The following MACROD2 variants were observed in gnomAD, a reference collection of about 807,000 sequenced individuals.
MACROD2 encodes mono-ADP ribosylhydrolase 2, also known as ADP-ribose glycohydrolase MACROD2.
Under a neutral mutation model 70.4 loss-of-function variants are expected in MACROD2, and 36 were observed. That is an observed-to-expected ratio of 0.51 (90% CI 0.39 to 0.68). The LOEUF is 0.68. MACROD2 is among the 30% of genes least tolerant of loss of function. The probability of loss-of-function intolerance (pLI) is 0.00; values close to 1 mark genes in which losing one functional copy is unlikely to be tolerated. For synonymous variants in MACROD2, 172 were observed against 178.8 expected (o/e 0.96, Z 0.30); for missense variants, 496 against 538.4 (o/e 0.92, Z 0.78).
chr20:15,877,104 G>A (rs1406382176), intron 9 of MACROD2, among the ~76,000 whole-genome samples: 1 of 152,038 alleles, frequency 6.6e-6, no homozygotes, highest in Non-Finnish European at 1.5e-5. Context: ...TTTGGACTGG[G>A]CACTCTTTAT....
intron 3 of MACROD2, among the ~76,000 whole-genome samples, chr20:14,468,707 T>C (rs35760794): frequency 0.15 from 22,728 of 152,024 alleles, 2,418 homozygotes; most frequent in Non-Finnish European, 0.22. Context: ...AGTTGGGGTT[T>C]TATCATGTTG....
intron 7 of MACROD2, among the ~76,000 whole-genome samples, chr20:15,488,956 A>G (rs1334556482): frequency 6.6e-6 from 1 of 152,206 alleles, no homozygotes; most frequent in Non-Finnish European, 1.5e-5. Context: ...TAGGCAAAAG[A>G]TGATTTCAAA....
rs146440615 is a variant in MACROD2, at chr20:14,910,255, C to T, written c.418+225296C>T. On this transcript the variant is annotated intron_variant, in intron 5 of 17. Transcript: ENST00000684519. ...AAAAGAATGTTGGCTATGCACTTCG[C>T]GCTTACACATTAATATAGAGCCCAG... Among the ~76,000 whole-genome samples the T allele has an allele frequency of 1.4e-3, 207 of 152,226 alleles. 1 individual carries two copies. The highest frequency in any genetic ancestry group is 4.2e-3 in the African/African-American group (176 of 41,530).
chr20:15,293,843 C>T (rs35777165), intron 6 of MACROD2, among the ~76,000 whole-genome samples: 19,148 of 152,096 alleles, frequency 0.13, 1,448 homozygotes, highest in South Asian at 0.19. Context: ...TTTGGCCAGG[C>T]GCAGTGGCTC....
At chr20:15,930,327 C>T (rs1293536651) in intron 10 of MACROD2, among the ~76,000 whole-genome samples, 2 of 152,152 alleles carry the variant, frequency 1.3e-5, no homozygotes, top group Non-Finnish European at 2.9e-5. Flanking sequence ...TGGAAGCCCC[C>T]TATTTCACTA....
intron 4 of MACROD2, among the ~76,000 whole-genome samples, chr20:14,498,334 C>G (rs762548152): frequency 2.0e-5 from 3 of 152,150 alleles, no homozygotes; most frequent in Non-Finnish European, 2.9e-5. Flanking sequence ...AAACCATGTG[C>G]TGTTATATCA....
chr20:15,059,137 C>A (rs2075511433), intron 5 of MACROD2, among the ~76,000 whole-genome samples: 1 of 152,216 alleles, frequency 6.6e-6, no homozygotes. Flanking sequence ...GTGGCTCACA[C>A]TTGTGATCCC....
intron 3 of MACROD2, among the ~76,000 whole-genome samples, chr20:14,433,590 A>T (rs2084020492): frequency 6.6e-6 from 1 of 152,124 alleles, no homozygotes; most frequent in Non-Finnish European, 1.5e-5. Context: ...TTATTTAAAC[A>T]GTGCAACCAT....
At chr20:15,431,683 CA>C (rs1228458215) in intron 7 of MACROD2, among the ~76,000 whole-genome samples, 1 of 151,884 alleles carries the variant, frequency 6.6e-6, no homozygotes, top group Non-Finnish European at 1.5e-5. Context: ...TTTTGTTAAA[CA>C]AAAAATTTGG....
At chr20:14,435,204 C>G (rs901753033) in intron 3 of MACROD2, among the ~76,000 whole-genome samples, 1 of 152,152 alleles carries the variant, frequency 6.6e-6, no homozygotes, top group South Asian at 2.1e-4. Context: ...TGTGGATACA[C>G]AACTCCAACC....
chr20:14,522,511 T>G (rs1193239721), intron 4 of MACROD2, among the ~76,000 whole-genome samples: 2 of 152,226 alleles, frequency 1.3e-5, no homozygotes, highest in African/African-American at 4.8e-5. Flanking sequence ...GTGCCTCTAC[T>G]CTGTCGGGCT....
intron 6 of MACROD2, among the ~76,000 whole-genome samples, chr20:15,379,391 G>A (rs2045609883): frequency 1.3e-5 from 2 of 151,768 alleles, no homozygotes; most frequent in Admixed American, 1.3e-4. Flanking sequence ...CCTAATATTT[G>A]CCACTCTCAA....
At chr20:14,592,450 A>G (rs888452139) in intron 4 of MACROD2, among the ~76,000 whole-genome samples, 2 of 152,096 alleles carry the variant, frequency 1.3e-5, no homozygotes, top group Non-Finnish European at 2.9e-5. Context: ...CTGAGACACA[A>G]TCTTGTTCTG....
At chr20:15,831,823 C>T (rs2064059414) in intron 8 of MACROD2, among the ~76,000 whole-genome samples, 1 of 152,292 alleles carries the variant, frequency 6.6e-6, no homozygotes, top group South Asian at 2.1e-4. Context: ...TCCAGTGTCC[C>T]TGGCATTTAT....
chr20:15,048,832 G>T (rs1007747464), intron 5 of MACROD2, among the ~76,000 whole-genome samples: 1 of 151,964 alleles, frequency 6.6e-6, no homozygotes, highest in African/African-American at 2.4e-5. Flanking sequence ...TGTGCCTACT[G>T]TTAAAAATTT....
intron 5 of MACROD2, among the ~76,000 whole-genome samples, chr20:15,199,760 C>T (rs778617533): frequency 1.5e-4 from 23 of 152,180 alleles, no homozygotes; most frequent in Non-Finnish European, 2.4e-4. Flanking sequence ...TATTTTACCT[C>T]TGTTTCTGTG....
chr20:15,629,607 A>G (rs553931194), intron 8 of MACROD2, among the ~76,000 whole-genome samples: 27 of 152,306 alleles, frequency 1.8e-4, no homozygotes, highest in African/African-American at 6.3e-4. Context: ...CCTTTGCTGT[A>G]TATGTTCTTA....
At chr20:14,418,334 A>G (rs1448020117) in intron 3 of MACROD2, among the ~76,000 whole-genome samples, 1 of 152,228 alleles carries the variant, frequency 6.6e-6, no homozygotes, top group African/African-American at 2.4e-5. Context: ...ATAAATCTGC[A>G]GTATGGTATG....
At chr20:15,371,595 G>T (rs1328431405) in intron 6 of MACROD2, among the ~76,000 whole-genome samples, 1 of 152,108 alleles carries the variant, frequency 6.6e-6, no homozygotes, top group African/African-American at 2.4e-5. Flanking sequence ...CCTAACTATG[G>T]ATGGATAGTT....
Sources: allele counts gnomAD v4.1 joint callset (sites outside exome capture counted in the v4.1 genomes callset), GRCh38; gene constraint gnomAD v4.1.1; transcripts MANE v1.5; gene names NCBI Gene and HGNC (gene_info 2026-07-23, HGNC 2026-07-21).